The following GRID2 variants were observed in gnomAD, a reference collection of about 807,000 sequenced individuals.
GRID2 encodes the protein glutamate ionotropic receptor delta type subunit 2.
In GRID2, 33 loss-of-function variants were observed where a neutral mutation model predicts 114.8. That is an observed-to-expected ratio of 0.29 (90% CI 0.22 to 0.38). GRID2 has a LOEUF of 0.38. Among genes scored for constraint, GRID2 ranks in the 10% least tolerant of loss-of-function variants. The pLI, the probability that GRID2 is intolerant of heterozygous loss-of-function variation, is 1.00. For synonymous variants in GRID2, 505 were observed against 449.9 expected, an observed-to-expected ratio of 1.12 and a Z score of -1.55; for missense variants, 1,184 against 1,257.7, an observed-to-expected ratio of 0.94 and a Z score of 0.89.
chr4:93,528,037 A>AT (rs1189027168), intron 13 of GRID2, among the ~76,000 whole-genome samples: 15 of 152,048 alleles, frequency 9.9e-5, no homozygotes, highest in Non-Finnish European at 2.2e-4. Context: ...ATGTGTCAGA[A>AT]TTTCCTTCAA....
intron 2 of GRID2, among the ~76,000 whole-genome samples, chr4:92,693,650 A>C: frequency 6.6e-6 from 1 of 152,346 alleles, no homozygotes; most frequent in African/African-American, 2.4e-5. Context: ...CTGAAGTTAC[A>C]AATTGAGTGG....
chr4:93,806,253 T>A (rs546803472), intron 1 of GRID2, among the ~76,000 whole-genome samples: 10 of 152,344 alleles, frequency 6.6e-5, no homozygotes, highest in Middle Eastern at 6.8e-3. Flanking sequence ...CTGGAACCAA[T>A]AACTAAAAGT....
At chr4:92,624,972 A>C (rs1730450624) in intron 2 of GRID2, among the ~76,000 whole-genome samples, 1 of 151,828 alleles carries the variant, frequency 6.6e-6, no homozygotes, top group Non-Finnish European at 1.5e-5. Context: ...TAAGAAAGTC[A>C]CTAAATTTTT....
At chr4:92,316,577 T>A (rs1282597684) in intron 1 of GRID2, among the ~76,000 whole-genome samples, 1 of 152,142 alleles carries the variant, frequency 6.6e-6, no homozygotes, top group Non-Finnish European at 1.5e-5. Flanking sequence ...AGAATACAGA[T>A]CATTGAAACA....
intron 14 of GRID2, among the ~76,000 whole-genome samples, chr4:93,685,787 T>C (rs1207341105): frequency 6.6e-6 from 1 of 152,074 alleles, no homozygotes; most frequent in Non-Finnish European, 1.5e-5. Flanking sequence ...ACCAGACTAC[T>C]TGGGTTTCTA....
At chr4:92,793,924 T>C (rs1443977453) in intron 2 of GRID2, among the ~76,000 whole-genome samples, 1 of 151,878 alleles carries the variant, frequency 6.6e-6, no homozygotes, top group African/African-American at 2.4e-5. Flanking sequence ...TAAGGCAGAA[T>C]GGAGCAGGTA....
chr4:93,057,345 C>G (rs183694638), intron 2 of GRID2, among the ~76,000 whole-genome samples: 1 of 151,892 alleles, frequency 6.6e-6, no homozygotes, highest in Non-Finnish European at 1.5e-5. Context: ...CATAATGTGA[C>G]CTACAGTCAC....
At chr4:92,771,473 G>A (rs781230787) in intron 2 of GRID2, among the ~76,000 whole-genome samples, 15 of 152,144 alleles carry the variant, frequency 9.9e-5, no homozygotes, top group South Asian at 2.1e-4. Flanking sequence ...TGGGGAGGTC[G>A]GAGATTATTT....
intron 3 of GRID2, among the ~76,000 whole-genome samples, chr4:93,104,202 C>T (rs916729145): frequency 3.9e-5 from 6 of 152,244 alleles, no homozygotes; most frequent in African/African-American, 1.4e-4. Context: ...TGGAAAAATA[C>T]AGACTTATGG....
At chr4:92,796,021 G>A (rs1440358590) in intron 2 of GRID2, among the ~76,000 whole-genome samples, 1 of 151,890 alleles carries the variant, frequency 6.6e-6, no homozygotes, top group Non-Finnish European at 1.5e-5. Flanking sequence ...TTCTTTAGTA[G>A]GAATTTACTG....
chr4:93,274,389 GA>G (rs1459616883), intron 8 of GRID2, among the ~76,000 whole-genome samples: 1 of 152,060 alleles, frequency 6.6e-6, no homozygotes, highest in Non-Finnish European at 1.5e-5. Context: ...AAAGCTACGA[GA>G]CTGGATTTCA....
chr4:92,330,175 C>A (rs1347922741), intron 1 of GRID2, among the ~76,000 whole-genome samples: 1 of 152,072 alleles, frequency 6.6e-6, no homozygotes, highest in Non-Finnish European at 1.5e-5. Flanking sequence ...ATAACACTAT[C>A]ATGTCATAGA....
At chr4:92,798,710 G>A (rs957666699) in intron 2 of GRID2, among the ~76,000 whole-genome samples, 40 of 152,090 alleles carry the variant, frequency 2.6e-4, no homozygotes, top group African/African-American at 9.1e-4. Flanking sequence ...AGTACTCACT[G>A]TTTATTTGTT....
At chr4:93,216,358 A>G (rs1744214855) in intron 5 of GRID2, among the ~76,000 whole-genome samples, 2 of 151,950 alleles carry the variant, frequency 1.3e-5, no homozygotes, top group Admixed American at 6.6e-5. Flanking sequence ...CTAGATACTC[A>G]AAGTAATAGT....
intron 2 of GRID2, among the ~76,000 whole-genome samples, chr4:92,910,765 C>G (rs1048459309): frequency 6.6e-6 from 1 of 152,008 alleles, no homozygotes; most frequent in African/African-American, 2.4e-5. Flanking sequence ...TATGCATATA[C>G]TCCTGTATAC....
intron 2 of GRID2, among the ~76,000 whole-genome samples, chr4:92,789,435 C>A (rs571968194): frequency 6.6e-6 from 1 of 151,804 alleles, no homozygotes; most frequent in African/African-American, 2.4e-5. Context: ...GTTGGACACA[C>A]GTTAGATTAT....
Position 92,315,543 on chromosome 4 carries a change from G to T in GRID2, c.88+10799G>T, listed in dbSNP as rs185757687. 4.6e-5 allele frequency among the ~76,000 whole-genome samples: 7 copies of T among 152,220 alleles called. No homozygotes were observed. The East Asian group carries it at 1.3e-3, about 29-fold the overall frequency. ...TGGACTTAAATCCAAACTTAAGTTGGAATGAACCCCTAAAACTGGTGAAGT... is the reference window on the plus strand; with the variant it reads ...TGGACTTAAATCCAAACTTAAGTTGTAATGAACCCCTAAAACTGGTGAAGT... On this transcript the variant is annotated intron_variant, in intron 1 of 15. Transcript: ENST00000282020.
At chr4:92,481,282 T>A (rs560563018) in intron 1 of GRID2, among the ~76,000 whole-genome samples, 2 of 152,110 alleles carry the variant, frequency 1.3e-5, no homozygotes, top group Non-Finnish European at 2.9e-5. Context: ...TTCCTGGAAG[T>A]AGAGAAGTAT....
chr4:93,030,608 C>T (rs536542230), intron 2 of GRID2, among the ~76,000 whole-genome samples: 1 of 151,964 alleles, frequency 6.6e-6, no homozygotes, highest in African/African-American at 2.4e-5. Flanking sequence ...TGGTCTCGAA[C>T]TCCTGACCTC....
Sources: allele counts gnomAD v4.1 joint callset (sites outside exome capture counted in the v4.1 genomes callset), GRCh38; gene constraint gnomAD v4.1.1; transcripts MANE v1.5; gene names NCBI Gene and HGNC (gene_info 2026-07-23, HGNC 2026-07-21).